Variants in RANBP10 observed in about 807,000 individuals in gnomAD.
RANBP10 encodes the protein ran-binding protein 10.
Under a neutral mutation model 72.8 loss-of-function variants are expected in RANBP10, and 24 were observed. That is an observed-to-expected ratio of 0.33 (90% confidence interval 0.24 to 0.46). The LOEUF is 0.46. Ranked by LOEUF, RANBP10 falls within the 20% of genes least tolerant of loss-of-function variation. RANBP10 has a pLI of 1.00. For synonymous variants in RANBP10, 310 were observed against 322.3 expected, an observed-to-expected ratio of 0.96 and a Z score of 0.41; for missense variants, 679 against 817.5, an observed-to-expected ratio of 0.83 and a Z score of 2.07.
intron 2 of RANBP10, among the ~76,000 whole-genome samples, chr16:67,787,926 C>A (rs1236383378): frequency 1.3e-5 from 2 of 152,032 alleles, no homozygotes; most frequent in African/African-American, 4.8e-5. Context: ...GCAACCTCCA[C>A]CTCCTGGGCT....
At chr16:67,799,677 A>G (rs1365391421) in intron 2 of RANBP10, among the ~76,000 whole-genome samples, 1 of 152,072 alleles carries the variant, frequency 6.6e-6, no homozygotes, top group Non-Finnish European at 1.5e-5. Context: ...CTCTTTCCAG[A>G]GCCCACATCA....
intron 4 of RANBP10, among the ~76,000 whole-genome samples, chr16:67,740,306 C>A (rs546825663): frequency 6.6e-6 from 1 of 151,884 alleles, no homozygotes. Flanking sequence ...GGGGTTTCAC[C>A]GTGTTAGCCA....
Position 67,724,175 on chromosome 16 carries a change from C to T in RANBP10, c.*2253G>A, listed in dbSNP as rs573110359. The T allele has an allele frequency of 2.0e-5, 3 of 152,570 alleles. No homozygotes were observed. The highest frequency in any genetic ancestry group is 3.4e-3 in the Middle Eastern group (1 of 294). The allele number at this position is 152,570 out of a possible 1,614,324, so 9.5% of individuals were successfully genotyped here. On this transcript the variant is annotated 3_prime_UTR_variant, in exon 14 of 14. Transcript: ENST00000317506. ...GCACCCGTCCTCATCCCTGACACAC[C>T]CCTGAAGGTAGCAGCTTCTCAGATA... is the stretch of plus-strand genomic sequence containing the variant.
chr16:67,797,507 A>G (rs1331704517), intron 2 of RANBP10, among the ~76,000 whole-genome samples: 5 of 152,194 alleles, frequency 3.3e-5, no homozygotes, highest in African/African-American at 1.2e-4. Context: ...TGTCTCTACA[A>G]AAAATTTAAA....
intron 2 of RANBP10, among the ~76,000 whole-genome samples, chr16:67,774,288 T>C (rs1404344206): frequency 2.0e-5 from 3 of 152,270 alleles, no homozygotes; most frequent in Non-Finnish European, 4.4e-5. Flanking sequence ...TAAGGGTTTA[T>C]GTTTGGAGCA....
At chr16:67,790,766 C>G (rs2055009003) in intron 2 of RANBP10, among the ~76,000 whole-genome samples, 1 of 151,802 alleles carries the variant, frequency 6.6e-6, no homozygotes, top group Admixed American at 6.6e-5. Flanking sequence ...GTGGCACAGT[C>G]TTGGCTCACT....
intron 3 of RANBP10, among the ~76,000 whole-genome samples, chr16:67,755,561 G>A (rs2143008701): frequency 6.6e-6 from 1 of 152,128 alleles, no homozygotes; most frequent in East Asian, 1.9e-4. Flanking sequence ...GTACATGCCT[G>A]TAATCCCAGC....
At chr16:67,797,149 C>G (rs1035081847) in intron 2 of RANBP10, among the ~76,000 whole-genome samples, 1 of 152,234 alleles carries the variant, frequency 6.6e-6, no homozygotes, top group Non-Finnish European at 1.5e-5. Flanking sequence ...AACAAGGAAT[C>G]TCCCTTACAC....
At chr16:67,765,611 C>T (rs550204457) in intron 3 of RANBP10, among the ~76,000 whole-genome samples, 15 of 151,774 alleles carry the variant, frequency 9.9e-5, no homozygotes, top group African/African-American at 2.7e-4. Flanking sequence ...CTGAGGTGGG[C>T]GGATCACGAG....
At chr16:67,804,149 G>A (rs1419401105) in intron 2 of RANBP10, among the ~76,000 whole-genome samples, 1 of 152,108 alleles carries the variant, frequency 6.6e-6, no homozygotes, top group Non-Finnish European at 1.5e-5. Flanking sequence ...GAATGTTCGA[G>A]AACACACCCT....
chr16:67,779,031 C>T (rs185709108), intron 2 of RANBP10, among the ~76,000 whole-genome samples: 46 of 152,130 alleles, frequency 3.0e-4, no homozygotes, highest in African/African-American at 1.1e-3. Context: ...GAAGTTGAGG[C>T]TGCAGTGCCT....
chr16:67,784,665 A>AG (rs2054876965), intron 2 of RANBP10, among the ~76,000 whole-genome samples: 1 of 152,032 alleles, frequency 6.6e-6, no homozygotes, highest in South Asian at 2.1e-4. Context: ...CCAAAAAAAA[A>AG]AAAATTAACC....
chr16:67,772,473 G>T (rs1017010510), intron 2 of RANBP10, among the ~76,000 whole-genome samples: 1 of 152,160 alleles, frequency 6.6e-6, no homozygotes, highest in East Asian at 1.9e-4. Flanking sequence ...AGCAATGCAC[G>T]ATTGTTCCAC....
chr16:67,778,181 C>T (rs931365545), intron 2 of RANBP10, among the ~76,000 whole-genome samples: 2 of 152,048 alleles, frequency 1.3e-5, no homozygotes, highest in African/African-American at 4.8e-5. Flanking sequence ...GAAACCCCGT[C>T]GCTACTAAAA....
chr16:67,805,675 T>C (rs1212397684), intron 1 of RANBP10, 136 bp from the exon 2 acceptor site: 1 of 687,226 alleles, frequency 1.5e-6, no homozygotes, highest in Non-Finnish European at 2.5e-6. Flanking sequence ...GAGGAATCAT[T>C]AGACAACTGA....
chr16:67,803,850 AAGAG>A (rs1426267495), intron 2 of RANBP10, among the ~76,000 whole-genome samples: 10 of 148,938 alleles, frequency 6.7e-5, no homozygotes, highest in South Asian at 2.1e-4. Flanking sequence ...AAAAAAAAAA[AAGAG>A]AGAGAGAGAG....
intron 3 of RANBP10, among the ~76,000 whole-genome samples, chr16:67,763,048 C>T (rs1018485162): frequency 2.0e-5 from 3 of 152,290 alleles, no homozygotes; most frequent in African/African-American, 7.2e-5. Flanking sequence ...GGAGTGTCAG[C>T]AGCATGTTTG....
At chr16:67,766,011 GATAA>G (rs1184719739) in intron 3 of RANBP10, among the ~76,000 whole-genome samples, 1 of 151,996 alleles carries the variant, frequency 6.6e-6, no homozygotes, top group Non-Finnish European at 1.5e-5. Context: ...CCCTGTCTCA[GATAA>G]ATAAATAAAT....
intron 2 of RANBP10, among the ~76,000 whole-genome samples, chr16:67,791,470 C>G (rs536804595): frequency 6.6e-6 from 1 of 152,276 alleles, no homozygotes; most frequent in East Asian, 1.9e-4. Context: ...CCACAGGGCT[C>G]TGGTAGGAAG....
Sources: gnomAD v4.1 joint callset for allele counts (sites outside exome capture counted in the v4.1 genomes callset) on GRCh38, gnomAD v4.1.1 for gene constraint, MANE v1.5 for transcripts, NCBI Gene and HGNC (gene_info 2026-07-23, HGNC 2026-07-21) for gene names.